The following RBM23 variants were observed in gnomAD, a reference collection of about 807,000 sequenced individuals.
The protein encoded by RBM23 is probable RNA-binding protein 23.
A neutral mutation model predicts 56.2 loss-of-function variants in RBM23; 53 were observed. The ratio of observed to expected loss-of-function variants is 0.94; its 90% CI spans 0.76 to 1.19. RBM23 has a LOEUF of 1.19. RBM23 is among the 50% of genes most tolerant of loss of function. The pLI, the probability that RBM23 is intolerant of heterozygous loss-of-function variation, is 0.00. For synonymous variants in RBM23, 197 were observed against 198.5 expected (o/e 0.99, Z 0.06); for missense variants, 642 against 590.3 (o/e 1.09, Z -0.91).
rs564710060 is a variant in RBM23, at chr14:22,906,321, C to T, written c.275G>A (p.Arg92Gln). Residue 92 changes from arginine (R) to glutamine (Q), a missense_variant, in exon 5 of 14, where the codon CGA becomes CAA. Arg to Gln is a conservative substitution (Grantham distance 43, BLOSUM62 1). Coordinates refer to ENST00000359890, the MANE Select transcript of RBM23 (RefSeq NM_001077351.2). The part of the protein sequence containing the change: ...DRYRRRNSRS[R>Q]SPGRQCRHRS... ...GTGACGACACTGCCGACCTGGACTT[C>T]GGCTCCGACTATTTCTCCGTCTATA... 5.6e-6 allele frequency: 9 copies of T among 1,614,206 alleles called. No individual in the cohort carries two copies. The highest frequency in any genetic ancestry group is 3.3e-5 in the South Asian group (3 of 91,086).
chr14:22,913,186 G>A (rs1464484239), intron 1 of RBM23, among the ~76,000 whole-genome samples: 4 of 150,198 alleles, frequency 2.7e-5, no homozygotes, highest in South Asian at 2.1e-4. Flanking sequence ...AGGCCGAGGC[G>A]GGCGGATCAC....
chr14:22,902,953 T>C (rs931935319), intron 10 of RBM23: 6 of 697,622 alleles, frequency 8.6e-6, no homozygotes, highest in Non-Finnish European at 8.8e-6. Context: ...TTTTTTATTT[T>C]TATTTTTTAG....
rs1428168634 is a variant in RBM23 at position 22,910,281 on chromosome 14, G to GAGAAACC, written c.67-693_67-687dup. Among the ~76,000 whole-genome samples, 28 of 148,878 alleles carry GAGAAACC rather than the reference G, an allele frequency of 1.9e-4. No individual in the cohort carries two copies. In the East Asian group the frequency reaches 5.6e-3, roughly 30 times the overall value. ...GTTCCAGACCAGCCTGACCAACATG[G>GAGAAACC]AGAAACCATCTCCACTAAAAAGACA... On this transcript the variant is annotated intron_variant, in intron 2 of 13. Coordinates refer to ENST00000359890, the MANE Select transcript of RBM23 (RefSeq NM_001077351.2).
In RBM23 at chr14:22,903,265, A is replaced by C. The variant is rs928421324; in HGVS notation, c.931-883T>G. The C allele has an allele frequency of 4.1e-6, 4 of 985,496 alleles. No individual in the cohort carries two copies. The Admixed American group carries it at 2.5e-4, about 61-fold the overall frequency. The allele number at this position is 985,496 out of a possible 1,614,324, so 61.0% of individuals were successfully genotyped here. On this transcript the variant is annotated intron_variant, in intron 10 of 13. Coordinates refer to ENST00000359890, the MANE Select transcript of RBM23 (RefSeq NM_001077351.2). ...CCTTTTATCAGCAGCACCCAGCAAC[A>C]CACTGGTACAAAGAGGATTCCCAGT...
In RBM23 at chr14:22,906,328, G is replaced by A. The variant is rs530669798; in HGVS notation, c.268C>T (p.Arg90Trp). The change falls in exon 5 of 14, where the codon CGG becomes TGG. Residue 90 changes from arginine (R) to tryptophan (W), a missense_variant. Arg to Trp is a moderately radical substitution (Grantham distance 101). Transcript: ENST00000359890. ...CACTGCCGACCTGGACTTCGGCTCC[G>A]ACTATTTCTCCGTCTATACCGATCC... ...DRDRYRRRNS[R>W]SRSPGRQCRH... 27 of 1,614,128 alleles carry A rather than the reference G, an allele frequency of 1.7e-5. No individual in the cohort carries two copies. The highest frequency in any genetic ancestry group is 1.6e-4 in the East Asian group (7 of 44,886).
chr14:22,911,056 T>C (rs1040121012), intron 2 of RBM23, among the ~76,000 whole-genome samples: 2 of 152,184 alleles, frequency 1.3e-5, no homozygotes, highest in Non-Finnish European at 2.9e-5. Context: ...GTACAGTGAC[T>C]TTCTACTGTG....
At chr14:22,903,244 T>C in intron 10 of RBM23, 1 of 985,442 alleles carries the variant, frequency 1.0e-6, no homozygotes, top group Non-Finnish European at 1.2e-6. Flanking sequence ...CTAGTCCCTT[T>C]TATCAGCAGC....
intron 10 of RBM23, chr14:22,902,597 T>C (rs1010364080): frequency 7.8e-7 from 1 of 1,285,810 alleles, no homozygotes; most frequent in Admixed American, 3.6e-5. Flanking sequence ...CACTTTTCAA[T>C]CTTTCAGCTC....
chr14:22,902,102 A>C lies in RBM23; in HGVS notation c.1127-3T>G. 1 of 1,607,710 alleles carries C rather than the reference A, an allele frequency of 6.2e-7. No homozygotes were observed. The highest frequency in any genetic ancestry group is 8.5e-7 in the Non-Finnish European group (1 of 1,176,164). On this transcript the variant is annotated splice_polypyrimidine_tract_variant and splice_region_variant and intron_variant, in intron 11 of 13. Coordinates refer to ENST00000359890, the MANE Select transcript of RBM23 (RefSeq NM_001077351.2). ...GCTTGGCAGTTGGATTCCAGCGCCT[A>C]AAAGGAAAAGAAAAGGTGGGATTAA...
chr14:22,908,396 C>T lies in RBM23; in HGVS notation c.180-16G>A, dbSNP rs1213293087. The stretch of plus-strand genomic sequence containing the variant: ...CCTCTTCTTCCTGTGAAAGAGAGTA[C>T]ATTCTTCTTTTTTTTTTTTTAATTT... On this transcript the variant is annotated splice_polypyrimidine_tract_variant and intron_variant, in intron 3 of 13. Coordinates refer to ENST00000359890, the MANE Select transcript of RBM23 (RefSeq NM_001077351.2). 8 of 1,536,498 alleles carry T rather than the reference C, an allele frequency of 5.2e-6. No homozygotes were observed. The highest frequency in any genetic ancestry group is 1.4e-5 in the African/African-American group (1 of 72,212).
Position 22,905,000 on chromosome 14 carries a change from G to C in RBM23, c.739C>G (p.Arg247Gly), listed in dbSNP as rs369539379. ...AGGTTGTTGGCCATGGCTGCCAGTC[G>C]GTTTTTCTCTGCCTGGGGAAGGAGG... is the stretch of plus-strand genomic sequence containing the variant. ...IVQASQAEKNRLAAMANNLQK... is the reference protein window; with the variant it reads ...IVQASQAEKNGLAAMANNLQK... Residue 247 changes from arginine (R) to glycine (G), a missense_variant, in exon 9 of 14, where the codon CGA becomes GGA. Transcript: ENST00000359890. 3.9e-5 allele frequency: 63 copies of C among 1,614,028 alleles called. No individual in the cohort carries two copies. Among genetic ancestry groups the C allele is most frequent in the Non-Finnish European group, 5.3e-5 (62 of 1,180,044 alleles).
At chr14:22,905,803 C>T (rs1434240205) in intron 5 of RBM23, 144 bp from the exon 6 acceptor site, 1 of 674,084 alleles carries the variant, frequency 1.5e-6, no homozygotes, top group Non-Finnish European at 2.5e-6. Flanking sequence ...GGCTGGAGTG[C>T]AGTGGCGCCA....
chr14:22,903,171 C>T (rs1289691342), intron 10 of RBM23: 4 of 985,426 alleles, frequency 4.1e-6, no homozygotes, highest in Non-Finnish European at 4.8e-6. Context: ...GCAGAACCCA[C>T]ACCCCCACAT....
chr14:22,916,288 ACT>A (rs1385509847), intron 1 of RBM23, among the ~76,000 whole-genome samples: 1 of 148,648 alleles, frequency 6.7e-6, no homozygotes, highest in African/African-American at 2.5e-5. Flanking sequence ...ACAGGATTTC[ACT>A]CTGTTGCCCA....
rs943148797 is a variant in RBM23, at chr14:22,901,419, G to C, written c.*311C>G. ...GCCTTCCCAATGGGGGAGAAATTGA[G>C]GAATCACTAAGGTGTTGGAAAGGGC... is the stretch of plus-strand genomic sequence containing the variant. On this transcript the variant is annotated 3_prime_UTR_variant, in exon 14 of 14. Coordinates refer to ENST00000359890, the MANE Select transcript of RBM23 (RefSeq NM_001077351.2). 2.0e-6 allele frequency: 1 copy of C among 503,482 alleles called. No individual in the cohort carries two copies. The highest frequency in any genetic ancestry group is 3.5e-6 in the Non-Finnish European group (1 of 282,424). 31.2% of individuals were successfully genotyped at this position (503,482 alleles called of 1,614,324 possible).
chr14:22,904,278 C>T lies in RBM23; in HGVS notation c.913G>A (p.Gly305Ser). 2 of 1,613,774 alleles carry T rather than the reference C, an allele frequency of 1.2e-6. No individual in the cohort carries two copies. Among genetic ancestry groups the T allele is most frequent in the Non-Finnish European group, 1.7e-6 (2 of 1,179,762 alleles). Residue 305 changes from glycine (G) to serine (S), a missense_variant, in exon 10 of 14, where the codon GGT becomes AGT. Physicochemically the swap from Gly to Ser is moderately conservative, Grantham distance 56. Transcript: ENST00000359890. ...AGACTCACCGTGATGAAACCATAAC[C>T]TTTAGAGCGGCCTGTATCTGAGTCC... ...MKDSDTGRSK[G>S]YGFITFSDSE...
chr14:22,903,643 A>AAT (rs1183161123), intron 10 of RBM23: 8 of 999,884 alleles, frequency 8.0e-6, no homozygotes, highest in South Asian at 4.3e-5. Context: ...TAAGCCCAGA[A>AAT]AATACAAGCT....
In RBM23 at chr14:22,900,085, C is replaced by G. The variant is rs3811187; in HGVS notation, c.*1645G>C. The G allele has an allele frequency of 0.32, 48,992 of 151,824 alleles. 8,902 individuals are homozygous for G. The highest frequency in any genetic ancestry group is 0.49 in the African/African-American group (20,333 of 41,304). 9.4% of individuals were successfully genotyped at this position (151,824 alleles called of 1,614,324 possible). A position where few individuals can be genotyped will look rare whatever the true frequency, so the allele number is the denominator to read the frequency against. ...TATTTCTGGAATACTCAGTTCCCTA[C>G]AATTCACTGGTCCCAGGCCTGTGTT... is the stretch of plus-strand genomic sequence containing the variant. On this transcript the variant is annotated 3_prime_UTR_variant, in exon 14 of 14. Transcript: ENST00000359890.
chr14:22,917,948 G>A (rs1433679139), intron 1 of RBM23: 2 of 152,238 alleles, frequency 1.3e-5, no homozygotes, highest in African/African-American at 2.4e-5. Context: ...AAAAGCTGGA[G>A]CCCCAGGGGT....
Sources: gnomAD v4.1 joint callset for allele counts (sites outside exome capture counted in the v4.1 genomes callset) on GRCh38, gnomAD v4.1.1 for gene constraint, MANE v1.5 for transcripts, NCBI Gene and HGNC (gene_info 2026-07-23, HGNC 2026-07-21) for gene names.